The following TBATA variants were observed in gnomAD, a reference collection of about 807,000 sequenced individuals.
TBATA encodes the protein protein TBATA.
Under a neutral mutation model 38.7 loss-of-function variants are expected in TBATA, and 47 were observed. The observed-to-expected ratio is 1.21, with a 90% CI of 0.96 to 1.55. The LOEUF (loss-of-function observed/expected upper bound fraction) is 1.55. Among genes scored for constraint, TBATA ranks in the 40% most tolerant of loss-of-function variants. TBATA has a pLI of 0.00. For synonymous variants in TBATA, 183 were observed against 170.5 expected (o/e 1.07, Z -0.57); for missense variants, 436 against 435.6 (o/e 1.00, Z -0.01).
chr10:70,783,223 A>C (rs1006173968), intron 3 of TBATA, 116 bp downstream of exon 3: 1 of 1,223,350 alleles, frequency 8.2e-7, no homozygotes, highest in Non-Finnish European at 1.2e-6. Context: ...AAGTCCAGTA[A>C]GAACCACCTC....
intron 4 of TBATA, 30 bp downstream of exon 4, chr10:70,781,771 C>T (rs1421117176): frequency 1.3e-6 from 2 of 1,594,386 alleles, no homozygotes; most frequent in Admixed American, 3.3e-5. Context: ...GATACTCCCT[C>T]TGCTCCCACC....
chr10:70,783,471 A>T lies in TBATA; in HGVS notation c.-92T>A. 2.7e-6 allele frequency: 4 copies of T among 1,468,588 alleles called. No homozygotes were observed. Among genetic ancestry groups the T allele is most frequent in the Non-Finnish European group, 3.8e-6 (4 of 1,053,704 alleles). The allele number at this position is 1,468,588 out of a possible 1,614,324, so 91.0% of individuals were successfully genotyped here. On this transcript the variant is annotated 5_prime_UTR_variant, in exon 3 of 11. Transcript: ENST00000456372. Reference sequence around the variant, plus strand: ...CTCTCACTTAATACTAGTGTTGAGGATGCAGAACAGGAACTCTCACGAACT... The same window carrying T: ...CTCTCACTTAATACTAGTGTTGAGGTTGCAGAACAGGAACTCTCACGAACT...
intron 7 of TBATA, chr10:70,776,505 C>T: frequency 2.3e-6 from 1 of 434,660 alleles, no homozygotes; most frequent in South Asian, 1.6e-5. Context: ...GTGCTGAACC[C>T]TGTCTGCTCT....
intron 2 of TBATA, among the ~76,000 whole-genome samples, chr10:70,783,855 T>A (rs1361462524): frequency 6.6e-6 from 1 of 152,268 alleles, no homozygotes; most frequent in African/African-American, 2.4e-5. Context: ...GGTTTTGCGA[T>A]GTTATATTTA....
chr10:70,771,489 A>G, intron 10 of TBATA, 28 bp from the exon 11 acceptor site: 1 of 1,608,940 alleles, frequency 6.2e-7, no homozygotes, highest in Non-Finnish European at 8.5e-7. Flanking sequence ...AGCAGGCAGG[A>G]GAGGACCGGG....
Position 70,779,556 on chromosome 10 carries a change from G to A in TBATA, c.427+37C>T, listed in dbSNP as rs574548432. ...GAGGCAGCCTTGGGGAGAGGCATGAGCCCCAGGGTAGAGGGAGGCATGGCC... is the reference window on the plus strand; with the variant it reads ...GAGGCAGCCTTGGGGAGAGGCATGAACCCCAGGGTAGAGGGAGGCATGGCC... On this transcript the variant is annotated intron_variant, in intron 5 of 10. Coordinates refer to ENST00000456372, the MANE Select transcript of TBATA (RefSeq NM_001318241.2). The A allele has an allele frequency of 2.4e-4, 349 of 1,448,056 alleles. 4 individuals are homozygous for A. In the South Asian group the frequency reaches 5.2e-3, roughly 22 times the overall value. 89.7% of individuals were successfully genotyped at this position (1,448,056 alleles called of 1,614,324 possible). A position where few individuals can be genotyped will look rare whatever the true frequency, so the allele number is the denominator to read the frequency against.
At chr10:70,780,683 A>G (rs1444568188) in intron 4 of TBATA, among the ~76,000 whole-genome samples, 3 of 151,886 alleles carry the variant, frequency 2.0e-5, no homozygotes, top group African/African-American at 4.8e-5. Flanking sequence ...CATCTCCCAC[A>G]TCAGAAACCA....
chr10:70,773,146 C>T (rs753837764), intron 9 of TBATA, among the ~76,000 whole-genome samples: 3 of 152,132 alleles, frequency 2.0e-5, no homozygotes, highest in Admixed American at 6.5e-5. Flanking sequence ...CTGTCTTCCT[C>T]GCTAGGCCGT....
chr10:70,783,487 C>A lies in TBATA; in HGVS notation c.-108G>T. On this transcript the variant is annotated 5_prime_UTR_variant, in exon 3 of 11. Transcript: ENST00000456372. Reference sequence around the variant, plus strand: ...GTGTTGAGGATGCAGAACAGGAACTCTCACGAACTGGTGGTGGAAGTGTAA... The same window carrying A: ...GTGTTGAGGATGCAGAACAGGAACTATCACGAACTGGTGGTGGAAGTGTAA... 1 of 1,294,952 alleles carries A rather than the reference C, an allele frequency of 7.7e-7. No individual in the cohort carries two copies. The highest frequency in any genetic ancestry group is 1.2e-5 in the South Asian group (1 of 81,338). The allele number at this position is 1,294,952 out of a possible 1,614,324, so 80.2% of individuals were successfully genotyped here.
intron 9 of TBATA, among the ~76,000 whole-genome samples, chr10:70,772,940 A>G (rs763304233): frequency 4.6e-5 from 7 of 152,168 alleles, no homozygotes; most frequent in Admixed American, 2.0e-4. Flanking sequence ...TGGGCAAGAC[A>G]AGAACCCTGC....
At chr10:70,782,541 T>C in intron 3 of TBATA, 1 of 1,259,974 alleles carries the variant, frequency 7.9e-7, no homozygotes, top group Non-Finnish European at 1.0e-6. Context: ...AGGCCAGAGC[T>C]GGAGCTTAGG....
chr10:70,773,578 A>C (rs1292406779), intron 9 of TBATA, among the ~76,000 whole-genome samples: 1 of 152,112 alleles, frequency 6.6e-6, no homozygotes, highest in African/African-American at 2.4e-5. Context: ...GTCGGGTCCA[A>C]GACTGAATCC....
chr10:70,779,958 G>A (rs7902405), intron 4 of TBATA, among the ~76,000 whole-genome samples: 11,640 of 152,160 alleles, frequency 0.076, 527 homozygotes, highest in East Asian at 0.2. Context: ...GGAAAGGCCC[G>A]CTCAGGGCCA....
chr10:70,782,664 C>G, intron 3 of TBATA: 5 of 985,440 alleles, frequency 5.1e-6, no homozygotes, highest in Non-Finnish European at 6.0e-6. Flanking sequence ...CTCTGTTTTG[C>G]TTTGCTGGAG....
rs751412347 is a variant in TBATA at position 70,783,333 on chromosome 10, C to G, written c.41+6G>C. On this transcript the variant is annotated splice_donor_region_variant and intron_variant, in intron 3 of 10. Transcript: ENST00000456372. ...CAGTCAGCAGGGTGGGCATTTGGAGCCTCACCTCATCAGTGGATAATCAGC... is the reference window on the plus strand; with the variant it reads ...CAGTCAGCAGGGTGGGCATTTGGAGGCTCACCTCATCAGTGGATAATCAGC... The G allele has an allele frequency of 1.2e-6, 2 of 1,614,184 alleles. No homozygotes were observed. The highest frequency in any genetic ancestry group is 1.7e-6 in the Non-Finnish European group (2 of 1,179,992).
At position 70,771,289 on chromosome 10, in the gene TBATA, G is replaced by A. The variant is rs756207497; in HGVS notation, c.*87C>T. 6.2e-6 allele frequency: 10 copies of A among 1,612,654 alleles called. No individual in the cohort carries two copies. Among genetic ancestry groups the A allele is most frequent in the South Asian group, 5.5e-5 (5 of 90,972 alleles). ...AAGAGTTTTCACGGTAGGGAATCAGGTACTGCTGTGAAGGTGGTGGAGACA... is the reference window on the plus strand; with the variant it reads ...AAGAGTTTTCACGGTAGGGAATCAGATACTGCTGTGAAGGTGGTGGAGACA... On this transcript the variant is annotated 3_prime_UTR_variant, in exon 11 of 11. Transcript: ENST00000456372.
intron 4 of TBATA, 80 bp from the exon 5 acceptor site, chr10:70,779,822 G>C: frequency 7.1e-7 from 1 of 1,414,686 alleles, no homozygotes; most frequent in Non-Finnish European, 9.4e-7. Context: ...AGGCTGAGAG[G>C]CAGGGTGATT....
chr10:70,778,752 T>G, intron 5 of TBATA, 116 bp from the exon 6 acceptor site: 1 of 925,092 alleles, frequency 1.1e-6, no homozygotes, highest in South Asian at 1.3e-5. Context: ...TGCCTGGATC[T>G]TAAAGGGAAA....
At chr10:70,783,168 C>G (rs1844470644) in intron 3 of TBATA, among the ~76,000 whole-genome samples, 171 bp downstream of exon 3, 1 of 152,220 alleles carries the variant, frequency 6.6e-6, no homozygotes, top group South Asian at 2.1e-4. Context: ...CCTGGGCTAA[C>G]TTGAGCCTGA....
Sources: allele counts gnomAD v4.1 joint callset (sites outside exome capture counted in the v4.1 genomes callset), GRCh38; gene constraint gnomAD v4.1.1; transcripts MANE v1.5; gene names NCBI Gene and HGNC (gene_info 2026-07-23, HGNC 2026-07-21).